TNNI3K: variants seen among roughly 807,000 people sequenced by gnomAD.
The protein encoded by TNNI3K is TNNI3 interacting kinase.
In TNNI3K, 140 loss-of-function variants were observed where a neutral mutation model predicts 114.5. That is an observed-to-expected ratio of 1.22 (90% CI 1.07 to 1.41). The LOEUF is 1.41. Ranked by LOEUF, TNNI3K falls within the 40% of genes most tolerant of loss-of-function variation. The pLI, the probability that TNNI3K is intolerant of heterozygous loss-of-function variation, is 0.00. For synonymous variants in TNNI3K, 347 were observed against 347.5 expected (o/e 1.00, Z 0.02); for missense variants, 1,125 against 1,007.6 (o/e 1.12, Z -1.58).
intron 17 of TNNI3K, among the ~76,000 whole-genome samples, chr1:74,400,736 C>G (rs1341971897): frequency 6.6e-6 from 1 of 152,146 alleles, no homozygotes; most frequent in African/African-American, 2.4e-5. Context: ...CAACTTATAC[C>G]CACATCCTAA....
chr1:74,520,111 T>C (rs905212566), intron 23 of TNNI3K, among the ~76,000 whole-genome samples: 41 of 152,048 alleles, frequency 2.7e-4, no homozygotes, highest in African/African-American at 8.7e-4. Context: ...ACCTGAGCAG[T>C]ATATGCTGAA....
intron 4 of TNNI3K, among the ~76,000 whole-genome samples, chr1:74,254,348 A>T (rs1028236489): frequency 6.6e-6 from 1 of 152,228 alleles, no homozygotes; most frequent in African/African-American, 2.4e-5. Flanking sequence ...TTCAAGTTTT[A>T]TCAATTGTCC....
chr1:74,279,556 G>A (rs1656878296), intron 5 of TNNI3K, among the ~76,000 whole-genome samples: 3 of 151,506 alleles, frequency 2.0e-5, no homozygotes, highest in African/African-American at 7.3e-5. Flanking sequence ...GAAGAAATTA[G>A]ATTTAAAAGA....
intron 22 of TNNI3K, among the ~76,000 whole-genome samples, chr1:74,490,072 A>C (rs1407487460): frequency 6.6e-5 from 10 of 151,402 alleles, no homozygotes; most frequent in Admixed American, 1.3e-4. Context: ...AAAAAAAAAA[A>C]AAAACTCAAC....
Position 74,308,964 on chromosome 1 carries a change from A to T in TNNI3K, c.445-22486A>T, listed in dbSNP as rs190631592. 4.6e-3 allele frequency among the ~76,000 whole-genome samples: 698 copies of T among 152,262 alleles called. 3 individuals are homozygous for T. Among genetic ancestry groups the T allele is most frequent in the Non-Finnish European group, 8.2e-3 (558 of 68,016 alleles). ...AAGACTGAACCAGGAAGAAATTGAA[A>T]CCTCAAACCAAACAATAAAAAATTA... On this transcript the variant is annotated intron_variant, in intron 5 of 24. Transcript: ENST00000326637.
chr1:74,446,981 T>C (rs1341023519), intron 20 of TNNI3K, among the ~76,000 whole-genome samples: 1 of 86,680 alleles, frequency 1.2e-5, no homozygotes, highest in Admixed American at 1.4e-4. Flanking sequence ...ATGTGATGCC[T>C]CCAGCTTTGT....
chr1:74,255,151 G>A (rs182619844), intron 4 of TNNI3K, among the ~76,000 whole-genome samples: 23 of 151,962 alleles, frequency 1.5e-4, no homozygotes, highest in Non-Finnish European at 7.4e-5. Context: ...TCAGGAGATC[G>A]AGACCATCCC....
At chr1:74,522,968 C>T (rs1646454081) in intron 23 of TNNI3K, among the ~76,000 whole-genome samples, 2 of 152,154 alleles carry the variant, frequency 1.3e-5, no homozygotes, top group African/African-American at 4.8e-5. Context: ...ATTGAAGAAT[C>T]CAAATTACTA....
At chr1:74,282,053 A>G (rs1657047527) in intron 5 of TNNI3K, among the ~76,000 whole-genome samples, 1 of 152,126 alleles carries the variant, frequency 6.6e-6, no homozygotes, top group Non-Finnish European at 1.5e-5. Flanking sequence ...TGTTTTGCTA[A>G]TATTCATAAG....
intron 17 of TNNI3K, among the ~76,000 whole-genome samples, chr1:74,434,410 G>A (rs375092997): frequency 2.1e-4 from 32 of 151,780 alleles, no homozygotes; most frequent in Admixed American, 1.1e-3. Context: ...TTACACTACC[G>A]TATAAATTCA....
At chr1:74,404,128 G>A (rs1664500514) in intron 17 of TNNI3K, among the ~76,000 whole-genome samples, 1 of 152,094 alleles carries the variant, frequency 6.6e-6, no homozygotes, top group Admixed American at 6.5e-5. Context: ...CTAAGAACAA[G>A]AGGTAATGTG....
intron 11 of TNNI3K, among the ~76,000 whole-genome samples, 170 bp from the exon 12 acceptor site, chr1:74,367,086 G>T (rs1020478663): frequency 1.3e-5 from 2 of 151,966 alleles, no homozygotes; most frequent in Non-Finnish European, 2.9e-5. Flanking sequence ...GTAGTCTTAA[G>T]AAATCATTTT....
rs1205561437 is a variant in TNNI3K at position 74,449,279 on chromosome 1, A to C, written c.2011+9657A>C. Among the ~76,000 whole-genome samples the C allele has an allele frequency of 7.8e-3, 1,176 of 151,544 alleles. 19 individuals are homozygous for C. Among genetic ancestry groups the C allele is most frequent in the African/African-American group, 0.027 (1,117 of 41,296 alleles). ...GGTGTTTGTAGTATTCTCTGATGGT[A>C]GTTTGTATTTCTGTGGGATCGGTGG... On this transcript the variant is annotated intron_variant, in intron 20 of 24. Coordinates refer to ENST00000326637, the MANE Select transcript of TNNI3K (RefSeq NM_015978.3).
intron 23 of TNNI3K, among the ~76,000 whole-genome samples, chr1:74,526,268 T>C (rs1168060473): frequency 6.6e-6 from 1 of 152,116 alleles, no homozygotes; most frequent in African/African-American, 2.4e-5. Context: ...AAAGATGGCC[T>C]TTGAACTTTC....
At chr1:74,470,791 T>A (rs1003790209) in intron 21 of TNNI3K, 1 of 400,624 alleles carries the variant, frequency 2.5e-6, no homozygotes, top group African/African-American at 2.1e-5. Flanking sequence ...GTCTAAAGTG[T>A]ATTCCTTGTT....
intron 23 of TNNI3K, among the ~76,000 whole-genome samples, chr1:74,530,208 G>T (rs1192904520): frequency 6.6e-6 from 1 of 152,128 alleles, no homozygotes; most frequent in African/African-American, 2.4e-5. Context: ...CTAATATATA[G>T]CACAGCTCCT....
chr1:74,273,715 G>A (rs1192558259), intron 5 of TNNI3K, among the ~76,000 whole-genome samples: 1 of 151,786 alleles, frequency 6.6e-6, no homozygotes, highest in African/African-American at 2.4e-5. Flanking sequence ...ATTCCAAATA[G>A]ATCTCTACTC....
Position 74,369,475 on chromosome 1 carries a change from C to G in TNNI3K, c.1557C>G (p.Pro519=). 6.2e-7 allele frequency: 1 copy of G among 1,612,822 alleles called. No homozygotes were observed. Among genetic ancestry groups the G allele is most frequent in the Non-Finnish European group, 8.5e-7 (1 of 1,179,226 alleles). ...CCATTCTCTGCCAGCTCAATCATCC[C>G]TGCGTAATTCAGTTTGTGGGTGCTT... The part of the protein sequence containing the change: ...EVSILCQLNH[P]CVIQFVGACL... The change falls in exon 16 of 25, where the codon CCC becomes CCG. Residue 519 remains proline (P), a synonymous_variant. Transcript: ENST00000326637.
chr1:74,496,070 C>T (rs929608144), intron 23 of TNNI3K, among the ~76,000 whole-genome samples: 4 of 152,152 alleles, frequency 2.6e-5, no homozygotes, highest in African/African-American at 7.2e-5. Flanking sequence ...AGTACCAGTG[C>T]CCAGGACCAA....
Sources: allele counts gnomAD v4.1 joint callset (sites outside exome capture counted in the v4.1 genomes callset), GRCh38; gene constraint gnomAD v4.1.1; transcripts MANE v1.5; gene names NCBI Gene and HGNC (gene_info 2026-07-23, HGNC 2026-07-21).